STK3: variants seen among roughly 807,000 people sequenced by gnomAD.
The protein encoded by STK3 is serine/threonine-protein kinase 3.
A neutral mutation model predicts 58.0 loss-of-function variants in STK3; 41 were observed. The observed-to-expected ratio is 0.71, with a 90% CI of 0.55 to 0.92. The LOEUF (loss-of-function observed/expected upper bound fraction) is 0.92, where lower values mean the gene tolerates loss of function less well. STK3 is among the 40% of genes least tolerant of loss of function. The probability of loss-of-function intolerance (pLI) is 0.00; values close to 1 mark genes in which losing one functional copy is unlikely to be tolerated. For synonymous variants in STK3, 170 were observed against 191.0 expected (o/e 0.89, Z 0.91); for missense variants, 479 against 602.7 (o/e 0.79, Z 2.15).
intron 2 of STK3, among the ~76,000 whole-genome samples, chr8:98,377,799 C>G (rs1396402185): frequency 6.6e-6 from 1 of 152,134 alleles, no homozygotes; most frequent in Non-Finnish European, 1.5e-5. Context: ...GTGTGAGTCT[C>G]AGGGACTTCC....
intron 8 of STK3, among the ~76,000 whole-genome samples, chr8:98,576,425 T>G (rs903913685): frequency 2.6e-5 from 4 of 152,176 alleles, no homozygotes; most frequent in African/African-American, 9.7e-5. Flanking sequence ...ACTTTTCCTC[T>G]TCTGCAAAAA....
chr8:98,869,246 C>T (rs1474864856), intron 3 of STK3, among the ~76,000 whole-genome samples: 1 of 152,072 alleles, frequency 6.6e-6, no homozygotes, highest in African/African-American at 2.4e-5. Flanking sequence ...CATGGTGAAA[C>T]ACAATCTCTA....
chr8:98,753,264 A>G (rs1215903369), intron 3 of STK3, among the ~76,000 whole-genome samples: 1 of 152,234 alleles, frequency 6.6e-6, no homozygotes, highest in African/African-American at 2.4e-5. Context: ...AATGTGGTAC[A>G]TATACACAAT....
At chr8:98,848,455 G>A (rs1439216037) in intron 3 of STK3, among the ~76,000 whole-genome samples, 1 of 152,004 alleles carries the variant, frequency 6.6e-6, no homozygotes, top group Non-Finnish European at 1.5e-5. Context: ...CTCCGTGTTG[G>A]TAAGGCTGGT....
intron 3 of STK3, among the ~76,000 whole-genome samples, chr8:98,851,018 C>A (rs1490684003): frequency 6.6e-6 from 1 of 152,146 alleles, no homozygotes; most frequent in Non-Finnish European, 1.5e-5. Flanking sequence ...GCTCACCTGG[C>A]ATCTCCTAGG....
intron 9 of STK3, among the ~76,000 whole-genome samples, chr8:98,536,461 TA>T (rs969944467): frequency 3.3e-5 from 5 of 151,150 alleles, no homozygotes; most frequent in African/African-American, 1.2e-4. Context: ...ACCCTTCTCT[TA>T]AAAAAAAATC....
intron 6 of STK3, among the ~76,000 whole-genome samples, chr8:98,645,739 T>C (rs1043421556): frequency 2.2e-4 from 33 of 152,238 alleles, no homozygotes; most frequent in African/African-American, 7.5e-4. Flanking sequence ...AGAATAACTA[T>C]GTAATGAGAT....
At chr8:98,870,381 T>G (rs1239261768) in intron 3 of STK3, among the ~76,000 whole-genome samples, 1 of 152,212 alleles carries the variant, frequency 6.6e-6, no homozygotes, top group East Asian at 1.9e-4. Context: ...CTGGGTCAAA[T>G]GGTATTTCTA....
chr8:98,741,970 A>C (rs1011912412), intron 4 of STK3, among the ~76,000 whole-genome samples: 4 of 152,202 alleles, frequency 2.6e-5, no homozygotes, highest in African/African-American at 9.7e-5. Context: ...CAAATAAACT[A>C]GAAAATCTAG....
In STK3 at chr8:98,536,213, C is replaced by G. The variant is rs1379911963; in HGVS notation, c.1142-9296G>C. ...CCTCCCTAATATCTATAATCCCTAG[C>G]TTCCTGACTAGGGGTGAGAAAGTAT... is the stretch of plus-strand genomic sequence containing the variant. On this transcript the variant is annotated intron_variant, in intron 9 of 10. Transcript: ENST00000419617. Among the ~76,000 whole-genome samples, 3 of 152,236 alleles carry G rather than the reference C, an allele frequency of 2.0e-5. No homozygotes were observed. The South Asian group carries it at 6.2e-4, about 32-fold the overall frequency.
intron 6 of STK3, among the ~76,000 whole-genome samples, chr8:98,677,277 T>C (rs1416244014): frequency 6.6e-6 from 1 of 151,896 alleles, no homozygotes; most frequent in Non-Finnish European, 1.5e-5. Context: ...AGACTAAGTC[T>C]CCTCATGCCA....
At chr8:98,575,876 G>A (rs1813356337) in intron 8 of STK3, among the ~76,000 whole-genome samples, 1 of 151,954 alleles carries the variant, frequency 6.6e-6, no homozygotes. Flanking sequence ...ATTCTCTTAT[G>A]CACAAAAATG....
At chr8:98,640,149 AC>A (rs1284711994) in intron 6 of STK3, among the ~76,000 whole-genome samples, 1 of 151,894 alleles carries the variant, frequency 6.6e-6, no homozygotes, top group African/African-American at 2.4e-5. Flanking sequence ...GACCTCCTGG[AC>A]TCAAGTGATT....
intron 10 of STK3, among the ~76,000 whole-genome samples, chr8:98,484,780 T>C (rs186597134): frequency 3.0e-4 from 45 of 151,556 alleles, no homozygotes; most frequent in Middle Eastern, 3.4e-3. Flanking sequence ...TAAGATCTTC[T>C]TGTTATGACA....
intron 2 of STK3, among the ~76,000 whole-genome samples, chr8:98,373,048 G>A (rs967309624): frequency 1.3e-5 from 2 of 152,168 alleles, no homozygotes; most frequent in Non-Finnish European, 2.9e-5. Context: ...AAGCACTGTA[G>A]GAGGGGAAAG....
chr8:98,458,662 G>A (rs552371219), intron 10 of STK3, among the ~76,000 whole-genome samples: 4 of 152,250 alleles, frequency 2.6e-5, no homozygotes, highest in African/African-American at 9.6e-5. Context: ...GAGGTGATTG[G>A]ATCATGGGGG....
At chr8:98,644,300 C>CT (rs1820241283) in intron 6 of STK3, among the ~76,000 whole-genome samples, 1 of 152,108 alleles carries the variant, frequency 6.6e-6, no homozygotes, top group Admixed American at 6.6e-5. Flanking sequence ...TGAAACCGAA[C>CT]TTGTATAGAC....
the STK3 span, among the ~76,000 whole-genome samples, chr8:98,365,713 T>C: frequency 7.0e-6 from 1 of 143,166 alleles, no homozygotes; most frequent in Non-Finnish European, 1.5e-5. Flanking sequence ...TCACCACACA[T>C]GAATGTATTG....
At chr8:98,872,486 G>C (rs1837413388) in intron 3 of STK3, among the ~76,000 whole-genome samples, 1 of 152,118 alleles carries the variant, frequency 6.6e-6, no homozygotes. Flanking sequence ...ACTTTGGTTG[G>C]TAGGCTATTA....
Sources: allele counts gnomAD v4.1 joint callset (sites outside exome capture counted in the v4.1 genomes callset), GRCh38; gene constraint gnomAD v4.1.1; transcripts MANE v1.5; gene names NCBI Gene and HGNC (gene_info 2026-07-23, HGNC 2026-07-21).